Variants in WDR7 observed in about 807,000 individuals in gnomAD.
WDR7 encodes WD repeat domain 7.
A neutral mutation model predicts 169.4 loss-of-function variants in WDR7; 46 were observed. The ratio of observed to expected loss-of-function variants is 0.27; its 90% CI spans 0.21 to 0.35. WDR7 has a LOEUF of 0.35. WDR7 is among the 10% of genes least tolerant of loss of function. The pLI is 1.00. For synonymous variants in WDR7, 612 were observed against 666.8 expected (o/e 0.92, Z 1.27); for missense variants, 1,534 against 1,859.3 (o/e 0.83, Z 3.22).
At chr18:56,976,237 A>G (rs1216744221) in intron 26 of WDR7, among the ~76,000 whole-genome samples, 1 of 152,212 alleles carries the variant, frequency 6.6e-6, no homozygotes, top group Non-Finnish European at 1.5e-5. Flanking sequence ...AGCATGTTAA[A>G]TATATACATT....
At chr18:56,658,262 C>A (rs2024823000) in intron 1 of WDR7, among the ~76,000 whole-genome samples, 1 of 152,086 alleles carries the variant, frequency 6.6e-6, no homozygotes, top group Admixed American at 6.6e-5. Context: ...CACCACCACA[C>A]CCAACTAATT....
intron 16 of WDR7, among the ~76,000 whole-genome samples, chr18:56,776,579 A>G (rs1303254287): frequency 6.6e-6 from 1 of 152,190 alleles, no homozygotes; most frequent in African/African-American, 2.4e-5. Context: ...TTTGAACTAT[A>G]TTGTGATTAC....
intron 22 of WDR7, among the ~76,000 whole-genome samples, chr18:56,928,772 A>G (rs2046841116): frequency 1.3e-5 from 2 of 152,198 alleles, no homozygotes; most frequent in African/African-American, 4.8e-5. Flanking sequence ...ATGAGAAAAA[A>G]ATGAATCTGA....
At chr18:56,731,300 A>C in intron 13 of WDR7, 83 bp from the exon 14 acceptor site, 2 of 1,477,314 alleles carry the variant, frequency 1.4e-6, no homozygotes, top group Non-Finnish European at 9.0e-7. Flanking sequence ...TACTTAAAAA[A>C]TTTTCATACC....
At position 56,894,085 on chromosome 18, in the gene WDR7, A is replaced by G. The variant is rs535699405; in HGVS notation, c.3526+13920A>G. 1.3e-4 allele frequency among the ~76,000 whole-genome samples: 20 copies of G among 152,062 alleles called. No homozygotes were observed. The South Asian group carries it at 4.2e-3, about 32-fold the overall frequency. On this transcript the variant is annotated intron_variant, in intron 21 of 27. Transcript: ENST00000254442. The stretch of plus-strand genomic sequence containing the variant: ...TCTGACATAACACATCTAATCTATC[A>G]AGTATATCTTATTGGGTCTACTTGA...
chr18:57,017,477 CTGTGTGTGTGTG>C (rs57440164), intron 26 of WDR7, among the ~76,000 whole-genome samples: 57,715 of 134,754 alleles, frequency 0.43, 13,492 homozygotes, highest in Non-Finnish European at 0.55. Flanking sequence ...CCAAGTCATG[CTGTGTGTGTGTG>C]TGTGTGTGTG....
At chr18:56,693,312 C>T (rs1245149365) in intron 9 of WDR7, among the ~76,000 whole-genome samples, 1 of 151,884 alleles carries the variant, frequency 6.6e-6, no homozygotes, top group African/African-American at 2.4e-5. Flanking sequence ...AGTAGAAGTC[C>T]ACCACACTAT....
At chr18:57,000,360 AT>A (rs1430918782) in intron 26 of WDR7, among the ~76,000 whole-genome samples, 3 of 152,258 alleles carry the variant, frequency 2.0e-5, no homozygotes, top group African/African-American at 7.2e-5. Flanking sequence ...GTTTTTCTTA[AT>A]AAAAAAGGTG....
intron 20 of WDR7, among the ~76,000 whole-genome samples, chr18:56,877,756 G>T (rs1355410297): frequency 6.6e-6 from 1 of 152,058 alleles, no homozygotes; most frequent in African/African-American, 2.4e-5. Context: ...TTTATTTCAG[G>T]TAACATTGAT....
At chr18:56,804,100 A>G (rs920359391) in intron 19 of WDR7, among the ~76,000 whole-genome samples, 3 of 152,204 alleles carry the variant, frequency 2.0e-5, no homozygotes, top group African/African-American at 7.2e-5. Flanking sequence ...CTGGCCCATC[A>G]TTGAATTTAA....
intron 6 of WDR7, among the ~76,000 whole-genome samples, chr18:56,686,271 G>T (rs985627054): frequency 2.0e-5 from 3 of 151,806 alleles, no homozygotes; most frequent in East Asian, 1.9e-4. Context: ...AACATATTGC[G>T]CAGGATATGT....
intron 20 of WDR7, among the ~76,000 whole-genome samples, chr18:56,842,239 A>G (rs2045497006): frequency 6.8e-6 from 1 of 146,758 alleles, no homozygotes; most frequent in Non-Finnish European, 1.5e-5. Context: ...AGGCTAGGTC[A>G]AGGGGTCTGC....
intron 16 of WDR7, among the ~76,000 whole-genome samples, chr18:56,760,749 C>T (rs1344838580): frequency 6.6e-6 from 1 of 152,042 alleles, no homozygotes; most frequent in African/African-American, 2.4e-5. Context: ...AAGTGTTTTC[C>T]TAAGTGTGAG....
intron 22 of WDR7, among the ~76,000 whole-genome samples, chr18:56,926,227 A>G (rs1345307444): frequency 1.3e-5 from 2 of 152,196 alleles, no homozygotes; most frequent in African/African-American, 4.8e-5. Flanking sequence ...AGTACGAGGC[A>G]GCTGGCCTTT....
chr18:57,035,226 T>C, the WDR7 span: 1 of 152,158 alleles, frequency 6.6e-6, no homozygotes, highest in Admixed American at 6.5e-5. Context: ...CCATCTCCCA[T>C]AGGAGCTGTA....
At chr18:56,691,869 T>C in intron 9 of WDR7, 52 bp downstream of exon 9, 3 of 1,403,728 alleles carry the variant, frequency 2.1e-6, no homozygotes. Flanking sequence ...GAAAAACTTC[T>C]ACAACTGTAT....
At chr18:56,871,858 T>A (rs757966244) in intron 20 of WDR7, among the ~76,000 whole-genome samples, 5 of 152,050 alleles carry the variant, frequency 3.3e-5, no homozygotes, top group Admixed American at 6.6e-5. Flanking sequence ...TTGACGGGAG[T>A]TCTGACTGAA....
Position 56,725,715 on chromosome 18 carries a change from A to G in WDR7, c.1775-5668A>G, listed in dbSNP as rs372130589. Among the ~76,000 whole-genome samples the G allele has an allele frequency of 2.6e-3, 394 of 152,322 alleles. 1 individual carries two copies. Among genetic ancestry groups the G allele is most frequent in the South Asian group, 0.011 (53 of 4,830 alleles). On this transcript the variant is annotated intron_variant, in intron 13 of 27. Coordinates refer to ENST00000254442, the MANE Select transcript of WDR7 (RefSeq NM_015285.3). ...TGCCATTGCTTTTGGTGTTTTAGAC[A>G]TGAAGTCCTTGCCTATGCCTATGTC...
At chr18:56,707,734 G>T (rs914998192) in intron 12 of WDR7, among the ~76,000 whole-genome samples, 10 of 152,086 alleles carry the variant, frequency 6.6e-5, no homozygotes, top group African/African-American at 2.4e-4. Context: ...ATAAATTATG[G>T]GCTAGGCACA....
Sources: gnomAD v4.1 joint callset for allele counts (sites outside exome capture counted in the v4.1 genomes callset) on GRCh38, gnomAD v4.1.1 for gene constraint, MANE v1.5 for transcripts, NCBI Gene and HGNC (gene_info 2026-07-23, HGNC 2026-07-21) for gene names.